UBE2G1: variants seen among roughly 807,000 people sequenced by gnomAD.
UBE2G1 encodes the protein ubiquitin-conjugating enzyme E2 G1.
UBE2G1 carries 5 observed loss-of-function variants against 22.7 expected under a neutral mutation model. The observed-to-expected ratio is 0.22, with a 90% CI of 0.12 to 0.46. The LOEUF (loss-of-function observed/expected upper bound fraction) is 0.46, where lower values mean the gene tolerates loss of function less well. Ranked by LOEUF, UBE2G1 falls within the 20% of genes least tolerant of loss-of-function variation. The pLI, the probability that UBE2G1 is intolerant of heterozygous loss-of-function variation, is 0.99. For synonymous variants in UBE2G1, 74 were observed against 67.5 expected (o/e 1.10, Z -0.47); for missense variants, 88 against 203.9 (o/e 0.43, Z 3.46).
intron 5 of UBE2G1, among the ~76,000 whole-genome samples, chr17:4,279,785 T>TATATATATATATATA (rs1968862385): frequency 2.9e-5 from 2 of 68,852 alleles, no homozygotes; most frequent in Non-Finnish European, 3.4e-5. Context: ...CAAAAAAAAG[T>TATATATATATATATA]TATATATATA....
At chr17:4,279,864 G>T (rs1968866056) in intron 5 of UBE2G1, among the ~76,000 whole-genome samples, 1 of 134,866 alleles carries the variant, frequency 7.4e-6, no homozygotes, top group African/African-American at 2.9e-5. Context: ...ATACCACAAA[G>T]AAAATAAAAG....
chr17:4,316,971 TC>T (rs1432345832), intron 1 of UBE2G1, among the ~76,000 whole-genome samples: 2 of 146,900 alleles, frequency 1.4e-5, no homozygotes, highest in African/African-American at 5.0e-5. Context: ...AAGGCCAGGC[TC>T]GGTGGCCTCT....
Position 4,307,136 on chromosome 17 carries a change from A to C in UBE2G1, c.47-13T>G. ...TTTTTGTTGAGTTCTGTGGAAAAAG[A>C]AAAGTTTAATCAATACATTTAAGCA... On this transcript the variant is annotated splice_polypyrimidine_tract_variant and intron_variant, in intron 1 of 5. Coordinates refer to ENST00000396981, the MANE Select transcript of UBE2G1 (RefSeq NM_003342.5). The C allele has an allele frequency of 6.2e-7, 1 of 1,608,774 alleles. No homozygotes were observed. Among genetic ancestry groups the C allele is most frequent in the Non-Finnish European group, 8.5e-7 (1 of 1,175,406 alleles).
At chr17:4,327,253 C>T (rs889295742) in intron 1 of UBE2G1, among the ~76,000 whole-genome samples, 10 of 151,990 alleles carry the variant, frequency 6.6e-5, no homozygotes, top group African/African-American at 1.5e-4. Flanking sequence ...GCCGAGATCG[C>T]GCCACTGCAC....
intron 5 of UBE2G1, among the ~76,000 whole-genome samples, chr17:4,273,105 T>C (rs1453746823): frequency 6.6e-6 from 1 of 152,176 alleles, no homozygotes; most frequent in Non-Finnish European, 1.5e-5. Context: ...GTGTTTCAAA[T>C]CTGTTGGCCT....
chr17:4,351,731 A>C (rs1845904102), intron 1 of UBE2G1, among the ~76,000 whole-genome samples: 1 of 152,192 alleles, frequency 6.6e-6, no homozygotes, highest in African/African-American at 2.4e-5. Flanking sequence ...CTAAATACAA[A>C]AAAATAGGGA....
intron 5 of UBE2G1, among the ~76,000 whole-genome samples, chr17:4,280,029 TA>T (rs1349083875): frequency 1.3e-5 from 2 of 151,314 alleles, no homozygotes; most frequent in Non-Finnish European, 2.9e-5. Flanking sequence ...CAGATTTAGA[TA>T]GATAGACTTT....
At chr17:4,342,453 C>A (rs569932833) in intron 1 of UBE2G1, among the ~76,000 whole-genome samples, 2 of 152,194 alleles carry the variant, frequency 1.3e-5, no homozygotes, top group African/African-American at 4.8e-5. Context: ...ATTAGTCAGG[C>A]GCAGTGGTGC....
At chr17:4,351,179 C>T (rs1969840950) in intron 1 of UBE2G1, among the ~76,000 whole-genome samples, 1 of 142,842 alleles carries the variant, frequency 7.0e-6, no homozygotes, top group African/African-American at 2.7e-5. Flanking sequence ...CTCACGGGGG[C>T]TGGGGGGTGG....
At chr17:4,317,715 T>C (rs1039668274) in intron 1 of UBE2G1, among the ~76,000 whole-genome samples, 2 of 152,242 alleles carry the variant, frequency 1.3e-5, no homozygotes, top group Non-Finnish European at 2.9e-5. Context: ...GACATTCTGC[T>C]ACCTGTAATA....
At chr17:4,360,362 C>T (rs1969953051) in intron 1 of UBE2G1, among the ~76,000 whole-genome samples, 2 of 152,304 alleles carry the variant, frequency 1.3e-5, no homozygotes, top group Middle Eastern at 3.4e-3. Flanking sequence ...AATGCCCACA[C>T]TGTACCCTCC....
intron 1 of UBE2G1, among the ~76,000 whole-genome samples, chr17:4,351,358 G>A (rs1969843078): frequency 6.6e-6 from 1 of 152,204 alleles, no homozygotes; most frequent in African/African-American, 2.4e-5. Flanking sequence ...ATGGCTTAGA[G>A]GCTGAAGAGG....
chr17:4,284,829 CTTTTCTTTCTTTTTTTTTTTT>C (rs1968941035), intron 4 of UBE2G1, among the ~76,000 whole-genome samples: 2 of 68,050 alleles, frequency 2.9e-5, no homozygotes, highest in African/African-American at 8.9e-5. Flanking sequence ...CTTTTCTTTT[CTTTTCTTTCTTTTTTTTTTTT>C]TTTTTTTTTT....
chr17:4,327,372 C>T (rs6502778), intron 1 of UBE2G1, among the ~76,000 whole-genome samples: 58,828 of 151,444 alleles, frequency 0.39, 12,400 homozygotes, highest in African/African-American at 0.56. Flanking sequence ...CTTGGGAGGC[C>T]GAGGCAGGAG....
chr17:4,360,024 T>C (rs546131538), intron 1 of UBE2G1, among the ~76,000 whole-genome samples: 74 of 152,340 alleles, frequency 4.9e-4, no homozygotes, highest in African/African-American at 1.6e-3. Flanking sequence ...CAATAATTCA[T>C]ATTCATTACC....
chr17:4,339,257 G>C (rs1969683828), intron 1 of UBE2G1, among the ~76,000 whole-genome samples: 1 of 151,728 alleles, frequency 6.6e-6, no homozygotes, highest in African/African-American at 2.4e-5. Context: ...TAGAGGTTAA[G>C]TGCCTAATTG....
chr17:4,302,342 G>A (rs1969193307), intron 2 of UBE2G1: 35 of 486,292 alleles, frequency 7.2e-5, no homozygotes, highest in South Asian at 5.6e-4. Flanking sequence ...CCCACATGAT[G>A]CTGGCCTTTA....
chr17:4,287,636 T>C (rs890511388), intron 4 of UBE2G1, among the ~76,000 whole-genome samples: 2 of 152,200 alleles, frequency 1.3e-5, no homozygotes, highest in Admixed American at 6.5e-5. Context: ...GAGTTATCTA[T>C]AGTGTCTCAG....
intron 1 of UBE2G1, among the ~76,000 whole-genome samples, chr17:4,362,448 A>G (rs1194510571): frequency 2.0e-5 from 3 of 152,144 alleles, no homozygotes; most frequent in Non-Finnish European, 4.4e-5. Flanking sequence ...ATGCTGCTGA[A>G]CATTCTATCT....
Sources: allele counts gnomAD v4.1 joint callset (sites outside exome capture counted in the v4.1 genomes callset), GRCh38; gene constraint gnomAD v4.1.1; transcripts MANE v1.5; gene names NCBI Gene and HGNC (gene_info 2026-07-23, HGNC 2026-07-21).